Variants in ZMYM2 observed in about 807,000 individuals in gnomAD.
ZMYM2 encodes the protein zinc finger MYM-type containing 2, also known as zinc finger MYM-type protein 2.
In ZMYM2, 56 loss-of-function variants were observed where a neutral mutation model predicts 162.8. The observed-to-expected ratio is 0.34, with a 90% confidence interval of 0.28 to 0.43. ZMYM2 has a LOEUF of 0.43. ZMYM2 is among the 20% of genes least tolerant of loss of function. ZMYM2 has a pLI of 1.00. For missense variants in ZMYM2, 1,275 were observed against 1,621.8 expected (o/e 0.79, Z 3.67); for synonymous variants, 510 against 541.6 (o/e 0.94, Z 0.81).
At chr13:19,878,517 C>CCCTTTTTT in the ZMYM2 span, among the ~76,000 whole-genome samples, 1 of 99,028 alleles carries the variant, frequency 1.0e-5, no homozygotes, top group African/African-American at 3.5e-5. Context: ...TTCCTTTGCC[C>CCCTTTTTT]TTTTTTTTTT....
At position 20,086,130 on chromosome 13, in the gene ZMYM2, G is replaced by A. The variant is rs1009557263; in HGVS notation, c.*116G>A. 1.9e-6 allele frequency: 2 copies of A among 1,036,822 alleles called. No homozygotes were observed. The highest frequency in any genetic ancestry group is 2.7e-6 in the Non-Finnish European group (2 of 730,394). The allele number at this position is 1,036,822 out of a possible 1,614,324, so 64.2% of individuals were successfully genotyped here. A position where few individuals can be genotyped will look rare whatever the true frequency, so the allele number is the denominator to read the frequency against. ...CTTCTGTTTTGAGTTTTGTAGCAGT[G>A]TACCCACGCTGGGTATTACCATGTA... On this transcript the variant is annotated 3_prime_UTR_variant, in exon 25 of 25. Coordinates refer to ENST00000610343, the MANE Select transcript of ZMYM2 (RefSeq NM_197968.4).
chr13:19,920,222 A>T, the ZMYM2 span, among the ~76,000 whole-genome samples: 1 of 152,158 alleles, frequency 6.6e-6, no homozygotes, highest in African/African-American at 2.4e-5. Flanking sequence ...TTTCTCTGTA[A>T]AGGGCCAGAT....
intron 2 of ZMYM2, among the ~76,000 whole-genome samples, chr13:19,974,706 G>T (rs995581612): frequency 6.6e-6 from 1 of 151,996 alleles, no homozygotes; most frequent in South Asian, 2.1e-4. Context: ...TCCTGACCTC[G>T]TGATCCACCC....
the ZMYM2 span, among the ~76,000 whole-genome samples, chr13:19,887,305 G>C: frequency 6.6e-6 from 1 of 151,608 alleles, no homozygotes; most frequent in Admixed American, 6.6e-5. Context: ...GAGGCGGGTG[G>C]ATCACCCAAG....
intron 8 of ZMYM2, among the ~76,000 whole-genome samples, 152 bp from the exon 9 acceptor site, chr13:20,027,051 A>G (rs879282707): frequency 1.3e-5 from 2 of 152,160 alleles, no homozygotes; most frequent in Non-Finnish European, 2.9e-5. Flanking sequence ...CGTTATGACA[A>G]TATTTTAAAA....
In ZMYM2 at chr13:20,086,007, C is replaced by T; in HGVS notation, c.4127C>T (p.Thr1376Ile). 6.2e-7 allele frequency: 1 copy of T among 1,612,980 alleles called. No homozygotes were observed. The highest frequency in any genetic ancestry group is 8.5e-7 in the Non-Finnish European group (1 of 1,179,502). ...GACAATTATGAACTGGATGAAGACA[C>T]AGACTAAAAAGGAACGTTGCAGAAG... ...DKDNYELDED[T>I]D Residue 1376 changes from threonine (T) to isoleucine (I), a missense_variant, in exon 25 of 25, where the codon ACA (threonine) becomes ATA (isoleucine). Transcript: ENST00000610343.
At chr13:19,897,001 A>G in the ZMYM2 span, among the ~76,000 whole-genome samples, 1 of 150,714 alleles carries the variant, frequency 6.6e-6, no homozygotes, top group Non-Finnish European at 1.5e-5. Context: ...TGAACCTGGG[A>G]GGTGGAGGTT....
chr13:19,968,563 C>T (rs1956017268), intron 2 of ZMYM2, among the ~76,000 whole-genome samples: 1 of 152,182 alleles, frequency 6.6e-6, no homozygotes, highest in South Asian at 2.1e-4. Context: ...CACCAGACCT[C>T]CCCTCACTAG....
chr13:19,929,308 G>A, the ZMYM2 span, among the ~76,000 whole-genome samples: 5 of 151,718 alleles, frequency 3.3e-5, no homozygotes, highest in Middle Eastern at 6.8e-3. Context: ...GTGCAATCTC[G>A]GCTCACTGCA....
At position 20,083,855 on chromosome 13, in the gene ZMYM2, C is replaced by G. The variant is rs1958065178; in HGVS notation, c.3941+79C>G. 1.1e-5 allele frequency: 15 copies of G among 1,381,088 alleles called. No homozygotes were observed. The South Asian group carries it at 1.7e-4, about 16-fold the overall frequency. 85.6% of individuals were successfully genotyped at this position (1,381,088 alleles called of 1,614,324 possible). On this transcript the variant is annotated intron_variant, in intron 24 of 24. Coordinates refer to ENST00000610343, the MANE Select transcript of ZMYM2 (RefSeq NM_197968.4). Reference sequence around the variant, plus strand: ...TAAATTTAACATTACCAAGAAGTGACTTTTTTAGATGGATTCTTTCTCAGA... The same window carrying G: ...TAAATTTAACATTACCAAGAAGTGAGTTTTTTAGATGGATTCTTTCTCAGA...
chr13:19,988,579 C>G (rs1186794797), intron 2 of ZMYM2, among the ~76,000 whole-genome samples: 12 of 152,178 alleles, frequency 7.9e-5, no homozygotes, highest in Non-Finnish European at 1.5e-4. Flanking sequence ...GTCAAGAGAT[C>G]AAGACCATCC....
the ZMYM2 span, among the ~76,000 whole-genome samples, chr13:19,935,073 G>A: frequency 6.6e-6 from 1 of 151,602 alleles, no homozygotes; most frequent in Non-Finnish European, 1.5e-5. Flanking sequence ...AGTCCAAAGA[G>A]CATTTTCAAT....
upstream of ZMYM2, among the ~76,000 whole-genome samples, chr13:19,953,998 A>G (rs1954470813): frequency 2.6e-5 from 4 of 152,074 alleles, no homozygotes; most frequent in South Asian, 8.3e-4. Context: ...TGTTTCAGTT[A>G]TATAGTCATG....
At position 20,006,580 on chromosome 13, in the gene ZMYM2, C is replaced by T. The variant is rs777376045; in HGVS notation, c.1506C>T (p.Tyr502=). The T allele has an allele frequency of 1.2e-6, 2 of 1,613,652 alleles. No homozygotes were observed. The highest frequency in any genetic ancestry group is 8.5e-7 in the Non-Finnish European group (1 of 1,179,736). Residue 502 remains tyrosine (Y), a synonymous_variant, in exon 6 of 25, where the codon TAC becomes TAT. Transcript: ENST00000610343. The part of the protein sequence containing the change: ...RFCCQSCVSE[Y]KQVGSHPSFL... ...GCTGTCAAAGTTGTGTCAGTGAATA[C>T]AAACAGGTAATTCATGTTCTAATCA...
chr13:20,068,202 T>C, intron 21 of ZMYM2: 1 of 181,050 alleles, frequency 5.5e-6, no homozygotes, highest in Non-Finnish European at 1.2e-5. Flanking sequence ...GATACGTGAA[T>C]AGGTTTACTT....
chr13:19,921,125 A>ATATT, the ZMYM2 span, among the ~76,000 whole-genome samples: 6 of 150,984 alleles, frequency 4.0e-5, no homozygotes, highest in East Asian at 1.9e-4. Flanking sequence ...CTTAGGTTAG[A>ATATT]TATTTATTTA....
chr13:19,867,786 C>T, the ZMYM2 span, among the ~76,000 whole-genome samples: 1 of 152,146 alleles, frequency 6.6e-6, no homozygotes, highest in South Asian at 2.1e-4. Context: ...CCACCACGTC[C>T]AGCTAATTTT....
intron 6 of ZMYM2, among the ~76,000 whole-genome samples, chr13:20,017,114 C>G (rs1264446660): frequency 6.6e-6 from 1 of 152,186 alleles, no homozygotes; most frequent in African/African-American, 2.4e-5. Flanking sequence ...CTGGGTCAGA[C>G]CACCTCAGTT....
At chr13:20,026,859 C>A in intron 8 of ZMYM2, 97 bp downstream of exon 8, 4 of 1,275,840 alleles carry the variant, frequency 3.1e-6, no homozygotes, top group Non-Finnish European at 4.2e-6. Context: ...TTTTTAACAG[C>A]TTTTTATTTT....
Sources: gnomAD v4.1 joint callset for allele counts (sites outside exome capture counted in the v4.1 genomes callset) on GRCh38, gnomAD v4.1.1 for gene constraint, MANE v1.5 for transcripts, NCBI Gene and HGNC (gene_info 2026-07-23, HGNC 2026-07-21) for gene names.